MTO1: variants seen among roughly 807,000 people sequenced by gnomAD.
MTO1 encodes the protein 5-taurinomethyluridine-[tRNA] synthase subunit MTO1, mitochondrial.
In MTO1, 46 loss-of-function variants were observed where a neutral mutation model predicts 71.6. The observed-to-expected ratio is 0.64, with a 90% CI of 0.51 to 0.82. The LOEUF (loss-of-function observed/expected upper bound fraction) is 0.82, where lower values mean the gene tolerates loss of function less well. Ranked by LOEUF, MTO1 falls within the 40% of genes least tolerant of loss-of-function variation. MTO1 has a pLI of 0.00. For missense variants in MTO1, 773 were observed against 867.5 expected (o/e 0.89, Z 1.37); for synonymous variants, 297 against 312.1 (o/e 0.95, Z 0.51).
chr6:73,487,556 G>GTTTTTTTTTTTTTTTTT (rs201524298), intron 9 of MTO1: 1 of 125,906 alleles, frequency 7.9e-6, no homozygotes, highest in Non-Finnish European at 1.7e-5. Context: ...GTCTCTGTGG[G>GTTTTTTTTTTTTTTTTT]TTTTTTTTTT....
Position 73,479,771 on chromosome 6 carries a change from C to T in MTO1, c.865C>T (p.Pro289Ser). ...GCCATGTTACTTGACTCACACCAAC[C>T]CTAGAGTGGATGAGATTGTCCTTAA... ...QLPCYLTHTN[P>S]RVDEIVLKNL... Residue 289 changes from proline to serine, a missense_variant, in exon 5 of 12, where the codon CCT becomes TCT. Pro to Ser is a moderately conservative substitution (Grantham distance 74, BLOSUM62 -1). Coordinates refer to ENST00000498286, the MANE Select transcript of MTO1 (RefSeq NM_012123.4). 1 of 1,613,882 alleles carries T rather than the reference C, an allele frequency of 6.2e-7. No homozygotes were observed. Among genetic ancestry groups the T allele is most frequent in the Non-Finnish European group, 8.5e-7 (1 of 1,179,946 alleles).
rs923395179 is a variant in MTO1 at position 73,501,713 on chromosome 6, C to T, written c.*978C>T. On this transcript the variant is annotated 3_prime_UTR_variant, in exon 12 of 12. Coordinates refer to ENST00000498286, the MANE Select transcript of MTO1 (RefSeq NM_012123.4). ...GATGAATACAGCCAAATGGGCCAGA[C>T]AGCCCTGCTTGTCTCTGGAATTCCA... 5 of 152,220 alleles carry T rather than the reference C, an allele frequency of 3.3e-5. No homozygotes were observed. Among genetic ancestry groups the T allele is most frequent in the African/African-American group, 1.2e-4 (5 of 41,450 alleles). The allele number at this position is 152,220 out of a possible 1,614,324, so 9.4% of individuals were successfully genotyped here. A position where few individuals can be genotyped will look rare whatever the true frequency, so the allele number is the denominator to read the frequency against.
At chr6:73,473,720 A>AC in intron 4 of MTO1, 66 bp downstream of exon 4, 1 of 1,039,498 alleles carries the variant, frequency 9.6e-7, no homozygotes, top group East Asian at 3.1e-5. Context: ...AAGTACTGTA[A>AC]CTTTTTTTTT....
At chr6:73,464,859 A>AC (rs59851105) in intron 1 of MTO1, among the ~76,000 whole-genome samples, 4,424 of 135,742 alleles carry the variant, frequency 0.033, 347 homozygotes, top group African/African-American at 0.096. Context: ...AAAAAAAAAA[A>AC]AACTTTTGGA....
Position 73,504,571 on chromosome 6 carries a change from T to G in MTO1, c.*3836T>G, listed in dbSNP as rs1020364597. 1 of 152,204 alleles carries G rather than the reference T, an allele frequency of 6.6e-6. No individual in the cohort carries two copies. Among genetic ancestry groups the G allele is most frequent in the Non-Finnish European group, 1.5e-5 (1 of 68,042 alleles). The allele number at this position is 152,204 out of a possible 1,614,324, so 9.4% of individuals were successfully genotyped here. ...AGGCAAGAAATGGTATTACTAAAAC[T>G]CAAGTGAATAATTAAATGAGATCAA... On this transcript the variant is annotated 3_prime_UTR_variant, in exon 12 of 12. Coordinates refer to ENST00000498286, the MANE Select transcript of MTO1 (RefSeq NM_012123.4).
At chr6:73,482,789 C>CTT (rs35121302) in intron 9 of MTO1, among the ~76,000 whole-genome samples, 169 bp downstream of exon 9, 18,791 of 92,042 alleles carry the variant, frequency 0.2, 2,737 homozygotes, top group Admixed American at 0.29. Flanking sequence ...TTTTTTCTTT[C>CTT]TTTTTTTTTT....
intron 11 of MTO1, among the ~76,000 whole-genome samples, chr6:73,498,891 AT>A (rs1229091343): frequency 4.0e-5 from 6 of 151,126 alleles, no homozygotes; most frequent in Non-Finnish European, 8.9e-5. Flanking sequence ...CACTCAGCTA[AT>A]TTTTTTTTGT....
intron 3 of MTO1, among the ~76,000 whole-genome samples, chr6:73,469,073 A>G (rs1771075091): frequency 6.6e-6 from 1 of 152,082 alleles, no homozygotes; most frequent in African/African-American, 2.4e-5. Flanking sequence ...CAGTGGCACT[A>G]TAATCGCTCA....
At chr6:73,472,530 C>T (rs1413282541) in intron 3 of MTO1, among the ~76,000 whole-genome samples, 7 of 152,102 alleles carry the variant, frequency 4.6e-5, no homozygotes, top group South Asian at 4.2e-4. Flanking sequence ...AACATATTAG[C>T]CTTCTTACTC....
In MTO1 at chr6:73,504,504, T is replaced by C. The variant is rs2150047502; in HGVS notation, c.*3769T>C. 6.6e-6 allele frequency: 1 copy of C among 152,356 alleles called. No homozygotes were observed. Among genetic ancestry groups the C allele is most frequent in the African/African-American group, 2.4e-5 (1 of 41,582 alleles). 9.4% of individuals were successfully genotyped at this position (152,356 alleles called of 1,614,324 possible). On this transcript the variant is annotated 3_prime_UTR_variant, in exon 12 of 12. Transcript: ENST00000498286. ...GTAAATATAAGCAATATCACAGTTG[T>C]AGATACTCGTGCTTTTTAAATAGAT...
At chr6:73,467,186 T>A (rs570378726) in intron 3 of MTO1, among the ~76,000 whole-genome samples, 2 of 152,028 alleles carry the variant, frequency 1.3e-5, no homozygotes, top group South Asian at 4.2e-4. Context: ...TGGTAGCAGG[T>A]GCCTGTAGTT....
At chr6:73,471,332 C>T in intron 3 of MTO1, 1 of 360,882 alleles carries the variant, frequency 2.8e-6, no homozygotes, top group Non-Finnish European at 5.3e-6. Context: ...ACTTTCATTT[C>T]CTTTTCTCCC....
rs1306924254 is a variant in MTO1 at position 73,508,142 on chromosome 6, A to G, written c.*7407A>G. On this transcript the variant is annotated 3_prime_UTR_variant, in exon 12 of 12. Transcript: ENST00000498286. ...CCATTATGGCACTCACTCTATTTCAAAGGTTATCCCAGAATTTGGAGGCTG... is the reference window on the plus strand; with the variant it reads ...CCATTATGGCACTCACTCTATTTCAGAGGTTATCCCAGAATTTGGAGGCTG... 2 of 152,150 alleles carry G rather than the reference A, an allele frequency of 1.3e-5. No homozygotes were observed. 9.4% of individuals were successfully genotyped at this position (152,150 alleles called of 1,614,324 possible).
At chr6:73,492,097 C>T (rs542791498) in intron 9 of MTO1, 137 bp from the exon 10 acceptor site, 16 of 479,568 alleles carry the variant, frequency 3.3e-5, no homozygotes, top group Admixed American at 2.8e-4. Context: ...GAGCGAGACT[C>T]CATCTCAAAA....
At chr6:73,484,319 G>C (rs1257202000) in intron 9 of MTO1, among the ~76,000 whole-genome samples, 3 of 152,102 alleles carry the variant, frequency 2.0e-5, no homozygotes, top group African/African-American at 7.2e-5. Flanking sequence ...ATTTATTGCT[G>C]ACAGTTTTGG....
chr6:73,465,378 G>A (rs926676291), intron 1 of MTO1, among the ~76,000 whole-genome samples: 1 of 151,896 alleles, frequency 6.6e-6, no homozygotes, highest in Admixed American at 6.6e-5. Context: ...CGCCCAGGGT[G>A]GTCTCAAACT....
chr6:73,480,645 A>G, intron 6 of MTO1, 30 bp from the exon 7 acceptor site: 1 of 1,612,042 alleles, frequency 6.2e-7, no homozygotes, highest in Non-Finnish European at 8.5e-7. Flanking sequence ...CTCTGTATTT[A>G]CTTATTTAAT....
Position 73,508,493 on chromosome 6 carries a change from CTG to C in MTO1, c.*7761_*7762del, listed in dbSNP as rs1772347529. ...TACTGTATTTTGACACAAGACCAGA[CTG>C]TGCTATGTGTATGTGGTGTTTCAAG... On this transcript the variant is annotated 3_prime_UTR_variant, in exon 12 of 12. Transcript: ENST00000498286. The C allele has an allele frequency of 6.6e-6, 1 of 152,114 alleles. No individual in the cohort carries two copies. The highest frequency in any genetic ancestry group is 2.1e-4 in the South Asian group (1 of 4,834). The allele number at this position is 152,114 out of a possible 1,614,324, so 9.4% of individuals were successfully genotyped here.
intron 11 of MTO1, among the ~76,000 whole-genome samples, chr6:73,499,674 A>G (rs1168233041): frequency 6.6e-6 from 1 of 152,216 alleles, no homozygotes; most frequent in Non-Finnish European, 1.5e-5. Context: ...GAAGATTTCC[A>G]TCATCATAGA....
Sources: allele counts gnomAD v4.1 joint callset (sites outside exome capture counted in the v4.1 genomes callset), GRCh38; gene constraint gnomAD v4.1.1; transcripts MANE v1.5; gene names NCBI Gene and HGNC (gene_info 2026-07-23, HGNC 2026-07-21).